The following UCHL3 variants were observed in gnomAD, a reference collection of about 807,000 sequenced individuals.
UCHL3 encodes the protein ubiquitin C-terminal hydrolase L3, also known as ubiquitin carboxyl-terminal hydrolase isozyme L3.
A neutral mutation model predicts 35.8 loss-of-function variants in UCHL3; 22 were observed. The ratio of observed to expected loss-of-function variants is 0.61; its 90% confidence interval spans 0.44 to 0.88. UCHL3 has a LOEUF of 0.88. Among genes scored for constraint, UCHL3 ranks in the 40% least tolerant of loss-of-function variants. UCHL3 has a pLI of 0.00. For missense variants in UCHL3, 229 were observed against 276.9 expected, an observed-to-expected ratio of 0.83 and a Z score of 1.23; for synonymous variants, 90 against 92.8, an observed-to-expected ratio of 0.97 and a Z score of 0.17.
At chr13:75,553,811 T>C (rs552336697) in intron 2 of UCHL3, among the ~76,000 whole-genome samples, 4 of 152,322 alleles carry the variant, frequency 2.6e-5, no homozygotes, top group Admixed American at 6.5e-5. Flanking sequence ...AAAAGAAATA[T>C]GGGTTTTCAT....
chr13:75,561,161 G>C (rs1259559573), intron 3 of UCHL3, among the ~76,000 whole-genome samples: 1 of 152,076 alleles, frequency 6.6e-6, no homozygotes, highest in Non-Finnish European at 1.5e-5. Context: ...TCTCCAACTC[G>C]GGCTCAAGTG....
At chr13:75,567,845 G>A (rs1370750548) in intron 5 of UCHL3, among the ~76,000 whole-genome samples, 3 of 152,072 alleles carry the variant, frequency 2.0e-5, no homozygotes, top group Admixed American at 6.6e-5. Context: ...ACCGTGCCTG[G>A]CCCTGATTTA....
intron 8 of UCHL3, 89 bp from the exon 9 acceptor site, chr13:75,605,640 A>G (rs997376916): frequency 7.8e-7 from 1 of 1,275,404 alleles, no homozygotes; most frequent in African/African-American, 1.5e-5. Flanking sequence ...GTGTAAAATT[A>G]GTATGAATTA....
intron 2 of UCHL3, among the ~76,000 whole-genome samples, chr13:75,558,933 C>G (rs2031385599): frequency 6.6e-6 from 1 of 151,314 alleles, no homozygotes; most frequent in Non-Finnish European, 1.5e-5. Context: ...GAGAAAGGAG[C>G]AGGAAGTAGT....
chr13:75,553,329 T>G (rs1383111723), intron 2 of UCHL3, among the ~76,000 whole-genome samples: 1 of 152,254 alleles, frequency 6.6e-6, no homozygotes, highest in Admixed American at 6.5e-5. Context: ...CTTGCTTCTG[T>G]GTGTACCATT....
At chr13:75,559,065 A>G (rs1481471374) in intron 2 of UCHL3, among the ~76,000 whole-genome samples, 18 of 78,176 alleles carry the variant, frequency 2.3e-4, no homozygotes, top group African/African-American at 7.5e-4. Context: ...TTTGAGACGG[A>G]GTCTGGCTCT....
At chr13:75,579,523 C>T (rs1447838956) in intron 6 of UCHL3, among the ~76,000 whole-genome samples, 1 of 151,966 alleles carries the variant, frequency 6.6e-6, no homozygotes, top group African/African-American at 2.4e-5. Context: ...TTCCCTTTCC[C>T]CTTTTCTCTC....
chr13:75,556,961 C>G (rs1030031942), intron 2 of UCHL3, among the ~76,000 whole-genome samples: 2 of 152,150 alleles, frequency 1.3e-5, no homozygotes, highest in Admixed American at 1.3e-4. Context: ...TGGTTCACAG[C>G]TAGTGAGCAC....
chr13:75,572,031 T>TTGTCTTGTCTTGTCTTGTC (rs1345810810), intron 6 of UCHL3, among the ~76,000 whole-genome samples: 22 of 152,120 alleles, frequency 1.4e-4, no homozygotes, highest in African/African-American at 5.3e-4. Context: ...TTGTCTTTAC[T>TTGTCTTGTCTTGTCTTGTC]TTTCCTTCCT....
Position 75,569,475 on chromosome 13 carries a change from C to T in UCHL3, c.442C>T (p.His148Tyr), listed in dbSNP as rs2031786473. ...CTTATTACAGGCCATCCGAGTTACT[C>T]ATGAGACCAGTGCCCATGAAGGTCA... Reference protein sequence around the residue: ...LENYDAIRVTHETSAHEGQTE... With the variant: ...LENYDAIRVTYETSAHEGQTE... The change falls in exon 6 of 9, where the codon CAT becomes TAT. Residue 148 changes from histidine to tyrosine, a missense_variant. Transcript: ENST00000377595. The T allele has an allele frequency of 5.0e-6, 8 of 1,610,374 alleles. No homozygotes were observed. Among genetic ancestry groups the T allele is most frequent in the Non-Finnish European group, 6.8e-6 (8 of 1,178,720 alleles).
At chr13:75,580,123 T>TA (rs928991787) in intron 6 of UCHL3, among the ~76,000 whole-genome samples, 1 of 152,180 alleles carries the variant, frequency 6.6e-6, no homozygotes, top group African/African-American at 2.4e-5. Context: ...TGAAGAAACT[T>TA]ACCATTATCC....
intron 5 of UCHL3, chr13:75,569,170 A>G (rs1000247791): frequency 7.6e-6 from 2 of 262,574 alleles, no homozygotes; most frequent in African/African-American, 2.2e-5. Flanking sequence ...GTTAAGTGTT[A>G]GTTCTAACAA....
intron 6 of UCHL3, among the ~76,000 whole-genome samples, chr13:75,580,430 G>A (rs1364413763): frequency 6.6e-6 from 1 of 152,108 alleles, no homozygotes; most frequent in African/African-American, 2.4e-5. Flanking sequence ...GCACACACAT[G>A]TCCTTACACA....
chr13:75,550,013 A>T lies in UCHL3; in HGVS notation c.54+26A>T, dbSNP rs1274757663. ...GTGAGTGAGGTGTCTGTCGCTCGGG[A>T]CCTCGGAGTCTTTTCTGTCTGCTCG... On this transcript the variant is annotated intron_variant, in intron 2 of 8. Transcript: ENST00000377595. The T allele has an allele frequency of 3.7e-6, 6 of 1,614,012 alleles. No homozygotes were observed. In the African/African-American group the frequency reaches 4.0e-5, roughly 11 times the overall value.
chr13:75,572,826 G>A (rs2031904866), intron 6 of UCHL3, among the ~76,000 whole-genome samples: 1 of 152,138 alleles, frequency 6.6e-6, no homozygotes, highest in African/African-American at 2.4e-5. Context: ...CTCCAGGGTG[G>A]AATATACTGA....
At chr13:75,601,128 A>C (rs1404644918) in intron 7 of UCHL3, among the ~76,000 whole-genome samples, 1 of 152,200 alleles carries the variant, frequency 6.6e-6, no homozygotes, top group African/African-American at 2.4e-5. Flanking sequence ...ACAAGTAAGG[A>C]GTTGCTTCTT....
In UCHL3 at chr13:75,600,348, A is replaced by AG. The variant is rs1215795866; in HGVS notation, c.551-4420dup. ...GATGACTAGCCTTCTCTTGGGAAGAAGATGCCATCTAGGACTTCTGTAGCT... is the reference window on the plus strand; with the variant it reads ...GATGACTAGCCTTCTCTTGGGAAGAAGGATGCCATCTAGGACTTCTGTAGCT... On this transcript the variant is annotated intron_variant, in intron 7 of 8. Transcript: ENST00000377595. Among the ~76,000 whole-genome samples, 15 of 152,374 alleles carry AG rather than the reference A, an allele frequency of 9.8e-5. No individual in the cohort carries two copies. The East Asian group carries it at 2.7e-3, about 27-fold the overall frequency.
intron 6 of UCHL3, among the ~76,000 whole-genome samples, chr13:75,588,832 G>C (rs1476659841): frequency 1.3e-5 from 2 of 152,070 alleles, no homozygotes; most frequent in Non-Finnish European, 2.9e-5. Context: ...TATGATTGTA[G>C]TGATTGTAAT....
At chr13:75,558,326 A>G (rs927785904) in intron 2 of UCHL3, among the ~76,000 whole-genome samples, 1 of 152,156 alleles carries the variant, frequency 6.6e-6, no homozygotes, top group African/African-American at 2.4e-5. Context: ...TACTTTTTGT[A>G]CTTGTTAGCT....
Sources: gnomAD v4.1 joint callset for allele counts (sites outside exome capture counted in the v4.1 genomes callset) on GRCh38, gnomAD v4.1.1 for gene constraint, MANE v1.5 for transcripts, NCBI Gene and HGNC (gene_info 2026-07-23, HGNC 2026-07-21) for gene names.